The following VAV3 variants were observed in gnomAD, a reference collection of about 807,000 sequenced individuals.
The protein encoded by VAV3 is vav guanine nucleotide exchange factor 3, also known as guanine nucleotide exchange factor VAV3.
VAV3 carries 94 observed loss-of-function variants against 131.2 expected under a neutral mutation model. That is an observed-to-expected ratio of 0.72 (90% CI 0.61 to 0.85). The LOEUF (loss-of-function observed/expected upper bound fraction) is 0.85. Among genes scored for constraint, VAV3 ranks in the 40% least tolerant of loss-of-function variants. The probability of loss-of-function intolerance (pLI) is 0.00; values close to 1 mark genes in which losing one functional copy is unlikely to be tolerated. For missense variants in VAV3, 939 were observed against 1,002.7 expected (o/e 0.94, Z 0.86); for synonymous variants, 349 against 342.0 (o/e 1.02, Z -0.22).
intron 1 of VAV3, among the ~76,000 whole-genome samples, chr1:107,932,039 C>T (rs938625022): frequency 1.8e-4 from 28 of 152,234 alleles, no homozygotes; most frequent in African/African-American, 6.0e-4. Flanking sequence ...CACACCCATA[C>T]AGGCAACAAG....
intron 1 of VAV3, among the ~76,000 whole-genome samples, chr1:107,920,804 T>G (rs191450738): frequency 2.0e-5 from 3 of 152,340 alleles, no homozygotes; most frequent in Non-Finnish European, 4.4e-5. Context: ...ACATTTTCCC[T>G]TACGATTATT....
At chr1:107,839,457 C>T (rs1668603251) in intron 2 of VAV3, among the ~76,000 whole-genome samples, 1 of 151,994 alleles carries the variant, frequency 6.6e-6, no homozygotes, top group Non-Finnish European at 1.5e-5. Flanking sequence ...CACAAATGAA[C>T]TTTGAAATAT....
chr1:107,574,192 C>T lies in VAV3; in HGVS notation c.2357G>A (p.Ser786Asn). 6.2e-7 allele frequency: 1 copy of T among 1,613,132 alleles called. No individual in the cohort carries two copies. Among genetic ancestry groups the T allele is most frequent in the South Asian group, 1.1e-5 (1 of 90,854 alleles). The stretch of plus-strand genomic sequence containing the variant: ...GATGGCAATGCCCAGCACTTTTGGA[C>T]TTAACACTGTCAAGAAATGACAAGC... The part of the protein sequence containing the change: ...RGNRAGNSLL[S>N]PKVLGIAIAR... The change falls in exon 26 of 27, where the codon AGT becomes AAT. Residue 786 changes from serine (S) to asparagine (N), a missense_variant. Physicochemically the swap from Ser to Asn is conservative, Grantham distance 46. Transcript: ENST00000370056.
At chr1:107,586,467 C>G (rs937324545) in intron 25 of VAV3, among the ~76,000 whole-genome samples, 1 of 151,890 alleles carries the variant, frequency 6.6e-6, no homozygotes, top group Non-Finnish European at 1.5e-5. Context: ...AGAACTGTAC[C>G]CTTTGAGGAG....
At chr1:107,721,117 T>G (rs778894894) in intron 15 of VAV3, among the ~76,000 whole-genome samples, 3 of 152,194 alleles carry the variant, frequency 2.0e-5, no homozygotes, top group Non-Finnish European at 4.4e-5. Context: ...GAATCCTTTA[T>G]GGTTTCATGC....
chr1:107,918,999 G>A (rs189266293), intron 1 of VAV3, among the ~76,000 whole-genome samples: 4 of 151,958 alleles, frequency 2.6e-5, no homozygotes, highest in Admixed American at 6.5e-5. Flanking sequence ...GAGCCACCCC[G>A]CTGGACCAAG....
intron 2 of VAV3, among the ~76,000 whole-genome samples, chr1:107,796,979 T>C (rs978413543): frequency 6.6e-6 from 1 of 152,050 alleles, no homozygotes; most frequent in Non-Finnish European, 1.5e-5. Flanking sequence ...ATAATTTTTT[T>C]AAATAAGTGA....
intron 12 of VAV3, among the ~76,000 whole-genome samples, chr1:107,755,165 G>C (rs959582827): frequency 6.6e-6 from 1 of 152,024 alleles, no homozygotes; most frequent in African/African-American, 2.4e-5. Flanking sequence ...AAAAAAAGTG[G>C]ACTCCTATAT....
intron 25 of VAV3, among the ~76,000 whole-genome samples, chr1:107,584,208 T>C (rs1259893136): frequency 2.0e-5 from 3 of 152,170 alleles, no homozygotes; most frequent in Admixed American, 1.3e-4. Flanking sequence ...TAGCCATATG[T>C]AGAAAGCTGA....
chr1:107,691,311 A>G (rs1015393337), intron 17 of VAV3, among the ~76,000 whole-genome samples: 3 of 152,202 alleles, frequency 2.0e-5, no homozygotes, highest in Non-Finnish European at 4.4e-5. Flanking sequence ...GGAGTATTCT[A>G]TGGAAAAGTT....
At chr1:107,810,596 A>G (rs1211019489) in intron 2 of VAV3, among the ~76,000 whole-genome samples, 1 of 152,250 alleles carries the variant, frequency 6.6e-6, no homozygotes, top group African/African-American at 2.4e-5. Context: ...TCTGATGACA[A>G]GACTAAAATC....
rs1662491551 is a variant in VAV3 at position 107,734,847 on chromosome 1, C to A, written c.1502+14121G>T. On this transcript the variant is annotated intron_variant, in intron 15 of 26. Transcript: ENST00000370056. ...TCCAGGACTTGAACTCAGCAATGCACCAAGCAGACCTAATAGACATCTACA... is the reference window on the plus strand; with the variant it reads ...TCCAGGACTTGAACTCAGCAATGCAACAAGCAGACCTAATAGACATCTACA... Among the ~76,000 whole-genome samples, 3 of 152,180 alleles carry A rather than the reference C, an allele frequency of 2.0e-5. No individual in the cohort carries two copies. In the South Asian group the frequency reaches 6.2e-4, roughly 32 times the overall value.
intron 2 of VAV3, among the ~76,000 whole-genome samples, chr1:107,830,060 A>G (rs1668181161): frequency 6.6e-6 from 1 of 152,214 alleles, no homozygotes; most frequent in African/African-American, 2.4e-5. Flanking sequence ...CCCTTTGAAG[A>G]AAAGTTCCTT....
rs1663572133 is a variant in VAV3 at position 107,749,505 on chromosome 1, T to C, written c.1349A>G (p.Tyr450Cys). The C allele has an allele frequency of 3.1e-6, 5 of 1,611,942 alleles. No homozygotes were observed. Among genetic ancestry groups the C allele is most frequent in the Non-Finnish European group, 4.2e-6 (5 of 1,179,344 alleles). Residue 450 changes from tyrosine (Y) to cysteine (C), a missense_variant, in exon 14 of 27, where the codon TAC becomes TGC. By Grantham distance (194) the Tyr-to-Cys change is radical (BLOSUM62 -2). Transcript: ENST00000370056. ...EMKEIIDLQQ[Y>C]KIANNPTTDK... is the part of the protein sequence containing the mutation. ...GGTTGTAGGATTATTGGCTATCTTGTACTGCTGAAGATCTATTATTTCCTT... is the reference window on the plus strand; with the variant it reads ...GGTTGTAGGATTATTGGCTATCTTGCACTGCTGAAGATCTATTATTTCCTT...
At chr1:107,668,330 G>A (rs1296808987) in intron 19 of VAV3, among the ~76,000 whole-genome samples, 2 of 152,158 alleles carry the variant, frequency 1.3e-5, no homozygotes, top group Non-Finnish European at 2.9e-5. Flanking sequence ...CACATATATG[G>A]AAGTTTTATA....
At chr1:107,910,260 T>C (rs906009295) in intron 1 of VAV3, among the ~76,000 whole-genome samples, 8 of 152,076 alleles carry the variant, frequency 5.3e-5, no homozygotes, top group Non-Finnish European at 7.4e-5. Context: ...GATAAGAACA[T>C]AAAAGCAAAA....
In VAV3 at chr1:107,758,276, C is replaced by T. The variant is rs928013514; in HGVS notation, c.1018-947G>A. 3.2e-4 allele frequency among the ~76,000 whole-genome samples: 48 copies of T among 152,214 alleles called. 1 individual carries two copies. Among genetic ancestry groups the T allele is most frequent in the African/African-American group, 1.2e-3 (48 of 41,534 alleles). On this transcript the variant is annotated intron_variant, in intron 10 of 26. Transcript: ENST00000370056. Reference sequence around the variant, plus strand: ...GGTTCAGATCCTCACGTTTTTCAAACAGATAATTATTTGCCAAGCATGGTG... The same window carrying T: ...GGTTCAGATCCTCACGTTTTTCAAATAGATAATTATTTGCCAAGCATGGTG...
chr1:107,940,976 T>C (rs568663453), intron 1 of VAV3, among the ~76,000 whole-genome samples: 47 of 131,374 alleles, frequency 3.6e-4, no homozygotes, highest in Non-Finnish European at 6.3e-4. Context: ...TTTTATACTA[T>C]GTATATTTTA....
chr1:107,600,381 ATGT>A (rs1651752708), intron 24 of VAV3, among the ~76,000 whole-genome samples: 3 of 151,938 alleles, frequency 2.0e-5, no homozygotes, highest in Non-Finnish European at 4.4e-5. Context: ...TCCTTTGCTA[ATGT>A]TTGTTAGTTT....
Sources: gnomAD v4.1 joint callset for allele counts (sites outside exome capture counted in the v4.1 genomes callset) on GRCh38, gnomAD v4.1.1 for gene constraint, MANE v1.5 for transcripts, NCBI Gene and HGNC (gene_info 2026-07-23, HGNC 2026-07-21) for gene names.